The following TBC1D5 variants were observed in gnomAD, a reference collection of about 807,000 sequenced individuals.
TBC1D5 encodes TBC1 domain family member 5.
TBC1D5 carries 75 observed loss-of-function variants against 100.3 expected under a neutral mutation model. That is an observed-to-expected ratio of 0.75 (90% confidence interval 0.62 to 0.91). TBC1D5 has a LOEUF of 0.91. Among genes scored for constraint, TBC1D5 ranks in the 40% least tolerant of loss-of-function variants. The pLI is 0.00. For synonymous variants in TBC1D5, 323 were observed against 325.6 expected (o/e 0.99, Z 0.09); for missense variants, 910 against 942.4 (o/e 0.97, Z 0.45).
intron 15 of TBC1D5, among the ~76,000 whole-genome samples, chr3:17,282,169 G>A (rs1199912052): frequency 1.3e-5 from 2 of 152,178 alleles, no homozygotes; most frequent in African/African-American, 4.8e-5. Flanking sequence ...ATTTAAGGCA[G>A]CAAAAGGTTG....
intron 14 of TBC1D5, among the ~76,000 whole-genome samples, chr3:17,294,316 C>A (rs1370199525): frequency 2.0e-5 from 3 of 152,124 alleles, no homozygotes; most frequent in Non-Finnish European, 4.4e-5. Flanking sequence ...AACTCCTGGG[C>A]TCATGCAATC....
intron 14 of TBC1D5, among the ~76,000 whole-genome samples, chr3:17,303,566 C>G (rs980657014): frequency 1.3e-5 from 2 of 152,156 alleles, no homozygotes; most frequent in Admixed American, 6.5e-5. Flanking sequence ...CTTCAAGAGA[C>G]TTAAATTCCC....
chr3:17,373,339 A>G (rs1251052684), intron 12 of TBC1D5, among the ~76,000 whole-genome samples: 1 of 152,184 alleles, frequency 6.6e-6, no homozygotes, highest in Non-Finnish European at 1.5e-5. Flanking sequence ...AATTATACCA[A>G]TATAAAGGAA....
At chr3:17,419,442 A>T (rs987644755) in intron 4 of TBC1D5, among the ~76,000 whole-genome samples, 1 of 152,148 alleles carries the variant, frequency 6.6e-6, no homozygotes, top group Non-Finnish European at 1.5e-5. Flanking sequence ...AATAAACTCA[A>T]TATCTTTGGA....
chr3:17,467,258 A>T (rs1450499284), intron 3 of TBC1D5, among the ~76,000 whole-genome samples: 3 of 146,474 alleles, frequency 2.0e-5, no homozygotes, highest in Admixed American at 6.8e-5. Context: ...AAGTCCACCT[A>T]ATTAGGGCCC....
intron 13 of TBC1D5, among the ~76,000 whole-genome samples, chr3:17,364,469 A>G (rs17043499): frequency 0.09 from 13,709 of 152,214 alleles, 1,422 homozygotes; most frequent in African/African-American, 0.26. Context: ...TGTCTATGAA[A>G]AACTGAATGT....
chr3:17,309,382 A>T (rs945489682), intron 13 of TBC1D5, among the ~76,000 whole-genome samples: 4 of 152,128 alleles, frequency 2.6e-5, no homozygotes, highest in African/African-American at 9.6e-5. Context: ...TACATCAATT[A>T]CTCAATTTTT....
intron 2 of TBC1D5, among the ~76,000 whole-genome samples, chr3:17,544,517 A>C (rs2096393269): frequency 6.6e-6 from 1 of 152,004 alleles, no homozygotes; most frequent in African/African-American, 2.4e-5. Context: ...TGGGTGTGGT[A>C]GCACATGCCT....
rs9821314 is a variant in TBC1D5 at position 17,180,875 on chromosome 3, T to A, written c.1852+4234A>T. 9.7e-4 allele frequency among the ~76,000 whole-genome samples: 138 copies of A among 142,360 alleles called. 1 individual carries two copies. The highest frequency in any genetic ancestry group is 3.5e-3 in the African/African-American group (130 of 37,454). The allele number at this position is 142,360 out of a possible 152,430, so 93.4% of individuals were successfully genotyped here. A position where few individuals can be genotyped will look rare whatever the true frequency, so the allele number is the denominator to read the frequency against. On this transcript the variant is annotated intron_variant, in intron 19 of 21. Coordinates refer to ENST00000253692, the Ensembl canonical transcript of TBC1D5. Reference sequence around the variant, plus strand: ...CCAGACTTCACCACTGTGCAGTATATCCATGTATCAAAAGCGCATTTGTAC... The same window carrying A: ...CCAGACTTCACCACTGTGCAGTATAACCATGTATCAAAAGCGCATTTGTAC...
At chr3:17,693,775 T>G (rs902319615) in intron 1 of TBC1D5, among the ~76,000 whole-genome samples, 1 of 152,170 alleles carries the variant, frequency 6.6e-6, no homozygotes, top group Non-Finnish European at 1.5e-5. Flanking sequence ...ATGGACTGCC[T>G]CCTCAATTGG....
intron 3 of TBC1D5, among the ~76,000 whole-genome samples, chr3:17,455,220 A>C (rs2095032838): frequency 6.8e-6 from 1 of 146,330 alleles, no homozygotes; most frequent in African/African-American, 2.5e-5. Flanking sequence ...GTATACATAT[A>C]TATTATATAT....
At chr3:17,517,180 C>T (rs2096001379) in intron 2 of TBC1D5, among the ~76,000 whole-genome samples, 1 of 152,170 alleles carries the variant, frequency 6.6e-6, no homozygotes, top group African/African-American at 2.4e-5. Flanking sequence ...TTTAACTTTG[C>T]CCTCTGCCTA....
chr3:17,710,018 T>C lies in TBC1D5; in HGVS notation c.-101+29325A>G, dbSNP rs1482457713. ...ATTAAAACCAAATTATTTAGAAGCC[T>C]TGTGCTCAATCTAAAGAATACATAC... On this transcript the variant is annotated intron_variant, in intron 1 of 21. Coordinates refer to ENST00000253692, the Ensembl canonical transcript of TBC1D5. Among the ~76,000 whole-genome samples the C allele has an allele frequency of 3.9e-5, 6 of 152,280 alleles. 1 individual carries two copies. The highest frequency in any genetic ancestry group is 4.1e-4 in the South Asian group (2 of 4,822).
chr3:17,724,467 T>C (rs10433559), intron 1 of TBC1D5, among the ~76,000 whole-genome samples: 22,539 of 152,190 alleles, frequency 0.15, 2,210 homozygotes, highest in East Asian at 0.38. Context: ...TTTGCCCCTG[T>C]ATAGTCAGCT....
intron 17 of TBC1D5, among the ~76,000 whole-genome samples, chr3:17,221,033 G>T (rs1044338520): frequency 4.6e-5 from 7 of 152,006 alleles, no homozygotes; most frequent in Admixed American, 6.6e-5. Flanking sequence ...TGTTGTTGTT[G>T]TTCCCTTATT....
At chr3:17,490,552 A>G (rs2095626642) in intron 3 of TBC1D5, among the ~76,000 whole-genome samples, 1 of 152,168 alleles carries the variant, frequency 6.6e-6, no homozygotes. Flanking sequence ...GCAAATGCCT[A>G]GCCAGTTCTC....
intron 13 of TBC1D5, among the ~76,000 whole-genome samples, chr3:17,363,017 TTTAA>T (rs2091850717): frequency 6.6e-6 from 1 of 152,206 alleles, no homozygotes; most frequent in Non-Finnish European, 1.5e-5. Flanking sequence ...TGTCTGTCAA[TTTAA>T]TTGACCTTTT....
chr3:17,352,111 G>A (rs1240279110), intron 13 of TBC1D5, among the ~76,000 whole-genome samples: 5 of 151,824 alleles, frequency 3.3e-5, no homozygotes, highest in Admixed American at 2.6e-4. Context: ...GATGCTAAAT[G>A]TAAGGACACA....
chr3:17,420,956 C>G (rs564817797), intron 4 of TBC1D5, among the ~76,000 whole-genome samples: 1 of 152,236 alleles, frequency 6.6e-6, no homozygotes, highest in Admixed American at 6.5e-5. Context: ...AGCCTGGCAA[C>G]AGATAACTAA....
Sources: gnomAD v4.1 joint callset for allele counts (sites outside exome capture counted in the v4.1 genomes callset) on GRCh38, gnomAD v4.1.1 for gene constraint, MANE v1.5 for transcripts, NCBI Gene and HGNC (gene_info 2026-07-23, HGNC 2026-07-21) for gene names.